Variants in ANKRD17 observed in about 807,000 individuals in gnomAD.
The protein encoded by ANKRD17 is ankyrin repeat domain-containing protein 17.
ANKRD17 carries 19 observed loss-of-function variants against 229.7 expected under a neutral mutation model. The observed-to-expected ratio is 0.08, with a 90% CI of 0.06 to 0.12. The LOEUF is 0.12. Among genes scored for constraint, ANKRD17 ranks in the 10% least tolerant of loss-of-function variants. The probability of loss-of-function intolerance (pLI) is 1.00; values close to 1 mark genes in which losing one functional copy is unlikely to be tolerated. For synonymous variants in ANKRD17, 1,112 were observed against 1,146.1 expected, an observed-to-expected ratio of 0.97 and a Z score of 0.60; for missense variants, 2,176 against 3,176.8, an observed-to-expected ratio of 0.68 and a Z score of 7.57.
intron 1 of ANKRD17, among the ~76,000 whole-genome samples, chr4:73,180,612 T>G (rs1735422109): frequency 6.6e-6 from 1 of 152,116 alleles, no homozygotes; most frequent in South Asian, 2.1e-4. Context: ...CTTAAAAAAC[T>G]GTAAATTCAA....
chr4:73,164,402 A>T (rs928860015), intron 2 of ANKRD17, among the ~76,000 whole-genome samples: 1 of 152,256 alleles, frequency 6.6e-6, no homozygotes, highest in African/African-American at 2.4e-5. Flanking sequence ...AACCTTTCAA[A>T]TTAATTAGCA....
Position 73,120,125 on chromosome 4 carries a change from C to T in ANKRD17, c.4025+37G>A, listed in dbSNP as rs145998755. 97 of 1,586,736 alleles carry T rather than the reference C, an allele frequency of 6.1e-5. No individual in the cohort carries two copies. In the African/African-American group the frequency reaches 1.2e-3, roughly 19 times the overall value. On this transcript the variant is annotated intron_variant, in intron 21 of 33. Coordinates refer to ENST00000358602, the MANE Select transcript of ANKRD17 (RefSeq NM_032217.5). ...GAGAGAATGATAACCACTAGTAACACTTGTGTTCATATATGAAGGGTATGG... is the reference window on the plus strand; with the variant it reads ...GAGAGAATGATAACCACTAGTAACATTTGTGTTCATATATGAAGGGTATGG...
chr4:73,140,599 G>T (rs1423533957), intron 14 of ANKRD17, among the ~76,000 whole-genome samples: 1 of 152,126 alleles, frequency 6.6e-6, no homozygotes, highest in Non-Finnish European at 1.5e-5. Flanking sequence ...GCTATGTGTA[G>T]ATATTTTATA....
At position 73,142,650 on chromosome 4, in the gene ANKRD17, T is replaced by C; in HGVS notation, c.2075A>G (p.His692Arg). ...ATTTGAGTTACATACTTTCAAACGG[T>C]GAGTAGGATCTGCCCCATGAGCCAA... ...LLLAHGADPT[H>R]RLKDGSTMLI... The change falls in exon 12 of 34, where the codon CAC (histidine) becomes CGC (arginine). Residue 692 changes from histidine (H) to arginine (R), a missense_variant. By Grantham distance (29) the His-to-Arg change is conservative. Coordinates refer to ENST00000358602, the MANE Select transcript of ANKRD17 (RefSeq NM_032217.5). 1 of 1,613,924 alleles carries C rather than the reference T, an allele frequency of 6.2e-7. No homozygotes were observed.
At chr4:73,233,319 T>C (rs941195872) in intron 1 of ANKRD17, among the ~76,000 whole-genome samples, 2 of 152,234 alleles carry the variant, frequency 1.3e-5, no homozygotes, top group Admixed American at 6.5e-5. Flanking sequence ...AATTTATAGA[T>C]ATTATTTTTA....
At chr4:73,151,350 T>C (rs1730982797) in intron 7 of ANKRD17, 80 bp downstream of exon 7, 10 of 1,249,954 alleles carry the variant, frequency 8.0e-6, no homozygotes, top group Non-Finnish European at 6.8e-6. Flanking sequence ...TAGCACCCAT[T>C]GGAAAGGCAT....
intron 3 of ANKRD17, among the ~76,000 whole-genome samples, chr4:73,158,152 AAAAG>A (rs71215492): frequency 0.079 from 10,213 of 128,738 alleles, 1,098 homozygotes; most frequent in African/African-American, 0.26. Context: ...GAAAGGAAGA[AAAAG>A]AAAGAAAGAA....
intron 2 of ANKRD17, among the ~76,000 whole-genome samples, chr4:73,175,807 A>T (rs1350100044): frequency 3.9e-5 from 6 of 152,196 alleles, no homozygotes; most frequent in Non-Finnish European, 4.4e-5. Flanking sequence ...AAATAGAATC[A>T]AAATGGATTC....
chr4:73,185,596 T>TAAATTTAGTAAATTTTCTTTTA (rs1736188993), intron 1 of ANKRD17, among the ~76,000 whole-genome samples: 1 of 152,062 alleles, frequency 6.6e-6, no homozygotes, highest in Non-Finnish European at 1.5e-5. Flanking sequence ...TTTTAGTAAG[T>TAAATTTAGTAAATTTTCTTTTA]GTCAATGATT....
rs1722876517 is a variant in ANKRD17, at chr4:73,092,389, CACACACAGTTTTGTGTGTATATACAT to C, written c.5328-115_5328-90del. The C allele has an allele frequency of 2.8e-6, 3 of 1,052,828 alleles. No individual in the cohort carries two copies. The South Asian group carries it at 4.8e-5, about 17-fold the overall frequency. The allele number at this position is 1,052,828 out of a possible 1,614,324, so 65.2% of individuals were successfully genotyped here. A position where few individuals can be genotyped will look rare whatever the true frequency, so the allele number is the denominator to read the frequency against. On this transcript the variant is annotated intron_variant, in intron 28 of 33. Transcript: ENST00000358602. ...TAATATGTATTTATGTACACAAACA[CACACACAGTTTTGTGTGTATATACAT>C]ACACACATACAAACAAAGGACAGAT...
Position 73,177,227 on chromosome 4 carries a change from G to A in ANKRD17, c.547+153C>T, listed in dbSNP as rs544446560. The stretch of plus-strand genomic sequence containing the variant: ...AAATTACAATATGCTTTAGTAAAAC[G>A]CTCCATGTAATTCAGCAGAAAGTAA... On this transcript the variant is annotated intron_variant, in intron 2 of 33. Transcript: ENST00000358602. Among the ~76,000 whole-genome samples the A allele has an allele frequency of 2.0e-5, 3 of 152,234 alleles. No homozygotes were observed. The East Asian group carries it at 5.8e-4, about 29-fold the overall frequency.
intron 26 of ANKRD17, 37 bp downstream of exon 26, chr4:73,098,036 G>T: frequency 6.6e-7 from 1 of 1,521,670 alleles, no homozygotes; most frequent in East Asian, 2.3e-5. Flanking sequence ...ATTTCATGAT[G>T]ACACTATAAA....
intron 2 of ANKRD17, among the ~76,000 whole-genome samples, chr4:73,163,664 G>A (rs1732834069): frequency 6.6e-6 from 1 of 152,038 alleles, no homozygotes; most frequent in Admixed American, 6.6e-5. Flanking sequence ...AATAAAATAG[G>A]CAGCCTAGAT....
intron 1 of ANKRD17, among the ~76,000 whole-genome samples, chr4:73,251,492 A>G (rs1745020925): frequency 6.6e-6 from 1 of 151,854 alleles, no homozygotes; most frequent in Admixed American, 6.6e-5. Context: ...ATTCGTATTT[A>G]CCCACCACCT....
In ANKRD17 at chr4:73,082,152, T is replaced by C. The variant is rs529276693; in HGVS notation, c.7159+3097A>G. 4.8e-4 allele frequency among the ~76,000 whole-genome samples: 53 copies of C among 111,290 alleles called. No individual in the cohort carries two copies. The South Asian group carries it at 0.015, about 32-fold the overall frequency. 73.0% of individuals were successfully genotyped at this position (111,290 alleles called of 152,430 possible). A position where few individuals can be genotyped will look rare whatever the true frequency, so the allele number is the denominator to read the frequency against. ...GCAACAGAGAGATACATTATCTTTT[T>C]ATTTAAAAAAAAAAAAAAAAAAAGG... On this transcript the variant is annotated intron_variant, in intron 30 of 33. Transcript: ENST00000358602.
chr4:73,161,064 A>G, intron 3 of ANKRD17, 128 bp downstream of exon 3: 5 of 1,166,410 alleles, frequency 4.3e-6, no homozygotes, highest in Non-Finnish European at 5.9e-6. Context: ...AATCTAAATA[A>G]GACATCACAT....
intron 1 of ANKRD17, among the ~76,000 whole-genome samples, chr4:73,243,443 G>A (rs926335396): frequency 1.3e-5 from 2 of 152,108 alleles, no homozygotes; most frequent in African/African-American, 4.8e-5. Flanking sequence ...GACATATTTT[G>A]GAGGTAGAAT....
rs569865613 is a variant in ANKRD17 at position 73,100,839 on chromosome 4, A to AAC, written c.4573+1535_4573+1536dup. On this transcript the variant is annotated intron_variant, in intron 25 of 33. Transcript: ENST00000358602. ...GGAAATTAAAAACAAAACAAAACAA[A>AAC]ACACACACACACATACACACATTGC... is the stretch of plus-strand genomic sequence containing the variant. The AAC allele has an allele frequency of 9.9e-4, 978 of 983,584 alleles. 6 individuals carry two copies. In the African/African-American group the frequency reaches 0.014, roughly 14 times the overall value. The allele number at this position is 983,584 out of a possible 1,614,324, so 60.9% of individuals were successfully genotyped here. A position where few individuals can be genotyped will look rare whatever the true frequency, so the allele number is the denominator to read the frequency against.
chr4:73,240,511 G>C (rs1350100022), intron 1 of ANKRD17, among the ~76,000 whole-genome samples: 1 of 151,366 alleles, frequency 6.6e-6, no homozygotes, highest in African/African-American at 2.4e-5. Context: ...TGTAGTCCCA[G>C]ATACTTGGGA....
Sources: allele counts gnomAD v4.1 joint callset (sites outside exome capture counted in the v4.1 genomes callset), GRCh38; gene constraint gnomAD v4.1.1; transcripts MANE v1.5; gene names NCBI Gene and HGNC (gene_info 2026-07-23, HGNC 2026-07-21).